SCN1A: variants seen among roughly 807,000 people sequenced by gnomAD.
SCN1A encodes the protein sodium channel protein type 1 subunit alpha.
A neutral mutation model predicts 193.7 loss-of-function variants in SCN1A; 13 were observed. The observed-to-expected ratio is 0.07, with a 90% CI of 0.04 to 0.11. The LOEUF (loss-of-function observed/expected upper bound fraction) is 0.11, where lower values mean the gene tolerates loss of function less well. SCN1A is among the 10% of genes least tolerant of loss of function. SCN1A has a pLI of 1.00. For synonymous variants in SCN1A, 781 were observed against 843.6 expected, an observed-to-expected ratio of 0.93 and a Z score of 1.29; for missense variants, 1,432 against 2,451.1, an observed-to-expected ratio of 0.58 and a Z score of 8.78.
At chr2:166,122,162 C>T (rs941147265) in intron 2 of SCN1A, among the ~76,000 whole-genome samples, 39 of 152,134 alleles carry the variant, frequency 2.6e-4, no homozygotes, top group Admixed American at 1.9e-3. Flanking sequence ...AGAAACCAAC[C>T]CTATTTGAAT....
intron 2 of SCN1A, chr2:166,126,317 C>T (rs996094548): frequency 2.0e-5 from 3 of 152,114 alleles, no homozygotes; most frequent in Admixed American, 2.0e-4. Flanking sequence ...ATTGCAATTA[C>T]AAAAGCAACA....
At chr2:166,091,335 C>T (rs1199377378) in intron 2 of SCN1A, among the ~76,000 whole-genome samples, 1 of 152,116 alleles carries the variant, frequency 6.6e-6, no homozygotes, top group Non-Finnish European at 1.5e-5. Flanking sequence ...CTTAGAAAAT[C>T]ATTTAGCAAT....
chr2:166,036,195 T>G lies in SCN1A; in HGVS notation c.3282A>C (p.Lys1094Asn). The G allele has an allele frequency of 1.2e-6, 2 of 1,614,028 alleles. No individual in the cohort carries two copies. The highest frequency in any genetic ancestry group is 1.1e-5 in the South Asian group (1 of 91,076). The part of the protein sequence containing the change: ...SGIGTGSSVE[K>N]YIIDESDYMS... ...TGTAATCACTTTCATCAATAATGTA[T>G]TTTTCAACACTGCTGCCAGTTCCTA... Residue 1094 changes from lysine to asparagine, a missense_variant, in exon 19 of 29, where the codon AAA (lysine) becomes AAC (asparagine). Transcript: ENST00000674923.
chr2:166,101,176 G>T (rs1036034739), intron 2 of SCN1A, among the ~76,000 whole-genome samples: 5 of 150,902 alleles, frequency 3.3e-5, no homozygotes, highest in African/African-American at 1.2e-4. Flanking sequence ...ATACTATGCA[G>T]CCATAAAAAA....
Position 165,992,515 on chromosome 2 carries a change from G to A in SCN1A, c.4853-93C>T. Reference sequence around the variant, plus strand: ...CTAAAGCTCCAAGGTAAGGTTCAGAGTCCTGAACCCAGTTATATTAAATAT... The same window carrying A: ...CTAAAGCTCCAAGGTAAGGTTCAGAATCCTGAACCCAGTTATATTAAATAT... On this transcript the variant is annotated intron_variant, in intron 28 of 28. Coordinates refer to ENST00000674923, the MANE Select transcript of SCN1A (RefSeq NM_001165963.4). This position sits in a 1 kb window ranked among gnomAD's most constrained non-coding sequence, Gnocchi z 6.5. 1 of 1,274,052 alleles carries A rather than the reference G, an allele frequency of 7.8e-7. No individual in the cohort carries two copies. The highest frequency in any genetic ancestry group is 1.1e-6 in the Non-Finnish European group (1 of 879,672). The allele number at this position is 1,274,052 out of a possible 1,614,324, so 78.9% of individuals were successfully genotyped here.
intron 2 of SCN1A, among the ~76,000 whole-genome samples, chr2:166,109,336 G>A (rs1689041100): frequency 6.6e-6 from 1 of 152,122 alleles, no homozygotes; most frequent in Non-Finnish European, 1.5e-5. Flanking sequence ...TCAGTAATTT[G>A]AAGCTTAAAC....
chr2:166,112,029 CA>C (rs2106199830), intron 2 of SCN1A, among the ~76,000 whole-genome samples: 1 of 151,956 alleles, frequency 6.6e-6, no homozygotes, highest in East Asian at 1.9e-4. Flanking sequence ...GTTGAAATGA[CA>C]AAAAAGGATT....
At chr2:166,124,423 T>C (rs1690998685) in intron 2 of SCN1A, among the ~76,000 whole-genome samples, 1 of 151,988 alleles carries the variant, frequency 6.6e-6, no homozygotes, top group Non-Finnish European at 1.5e-5. Context: ...GACACTCGCC[T>C]GTAGTCCCAG....
chr2:166,063,654 A>C (rs972560311), intron 4 of SCN1A, among the ~76,000 whole-genome samples: 5 of 152,086 alleles, frequency 3.3e-5, no homozygotes, highest in African/African-American at 7.2e-5. Context: ...ACAGAAATAT[A>C]ATGTAAGCTA....
chr2:166,120,931 T>A (rs1690512769), intron 2 of SCN1A, among the ~76,000 whole-genome samples: 1 of 151,800 alleles, frequency 6.6e-6, no homozygotes, highest in African/African-American at 2.4e-5. Flanking sequence ...AGACTATTAA[T>A]CTCTCCAATT....
At chr2:166,148,423 G>A (rs1204393545) in intron 1 of SCN1A, among the ~76,000 whole-genome samples, 1 of 152,124 alleles carries the variant, frequency 6.6e-6, no homozygotes, top group Non-Finnish European at 1.5e-5. Flanking sequence ...GTGAACAACT[G>A]TTCATATCAA....
intron 19 of SCN1A, among the ~76,000 whole-genome samples, chr2:166,024,276 C>A (rs992165403): frequency 1.3e-5 from 2 of 152,060 alleles, no homozygotes; most frequent in African/African-American, 4.8e-5. Context: ...ATCCTGTGAT[C>A]ATCTCTGACC....
chr2:166,086,962 G>T (rs928716184), intron 2 of SCN1A, among the ~76,000 whole-genome samples: 1 of 152,060 alleles, frequency 6.6e-6, no homozygotes, highest in African/African-American at 2.4e-5. Flanking sequence ...GTCTATTTCT[G>T]TCTAGGTGTA....
chr2:166,038,205 A>C, intron 17 of SCN1A, 73 bp from the exon 18 acceptor site: 1 of 1,184,616 alleles, frequency 8.4e-7, no homozygotes, highest in Non-Finnish European at 1.2e-6. Context: ...TTACCTAGAA[A>C]TGGTCATTAG....
intron 2 of SCN1A, among the ~76,000 whole-genome samples, chr2:166,117,229 T>C (rs1481971873): frequency 6.6e-6 from 1 of 152,202 alleles, no homozygotes; most frequent in Non-Finnish European, 1.5e-5. Context: ...TACAGCTAGT[T>C]TAGCTTGCAA....
chr2:166,134,545 C>T (rs757806743), intron 1 of SCN1A, among the ~76,000 whole-genome samples: 4 of 152,134 alleles, frequency 2.6e-5, no homozygotes, highest in Non-Finnish European at 5.9e-5. Flanking sequence ...GCTCCACATG[C>T]GGTTCTTAAA....
chr2:166,058,477 T>C (rs543679123), intron 5 of SCN1A, 93 bp downstream of exon 5: 14 of 737,992 alleles, frequency 1.9e-5, no homozygotes, highest in South Asian at 1.7e-4. Flanking sequence ...AACTATATAA[T>C]ATGGACATTT....
At chr2:166,031,663 C>G (rs1340139174) in intron 19 of SCN1A, among the ~76,000 whole-genome samples, 2 of 152,062 alleles carry the variant, frequency 1.3e-5, no homozygotes, top group East Asian at 3.9e-4. Context: ...AGTAGTAATT[C>G]TTGTAAGAAA....
intron 6 of SCN1A, among the ~76,000 whole-genome samples, chr2:166,055,910 T>C (rs979764876): frequency 3.9e-5 from 6 of 152,040 alleles, no homozygotes; most frequent in Admixed American, 3.9e-4. Context: ...TCTACAACCC[T>C]GAAACTTTGG....
Sources: allele counts gnomAD v4.1 joint callset (sites outside exome capture counted in the v4.1 genomes callset), GRCh38; gene constraint gnomAD v4.1.1; non-coding constraint Gnocchi (gnomAD v3.1); transcripts MANE v1.5; gene names NCBI Gene and HGNC (gene_info 2026-07-23, HGNC 2026-07-21).